Variants in CFLAR observed in about 807,000 individuals in gnomAD.
CFLAR encodes CASP8 and FADD-like apoptosis regulator.
Under a neutral mutation model 51.1 loss-of-function variants are expected in CFLAR, and 14 were observed. That is an observed-to-expected ratio of 0.27 (90% CI 0.18 to 0.43). CFLAR has a LOEUF of 0.43. Ranked by LOEUF, CFLAR falls within the 20% of genes least tolerant of loss-of-function variation. CFLAR has a pLI of 1.00. For synonymous variants in CFLAR, 210 were observed against 211.6 expected (o/e 0.99, Z 0.06); for missense variants, 390 against 566.5 (o/e 0.69, Z 3.16).
chr2:201,138,180 G>T lies in CFLAR; in HGVS notation c.523+2073G>T. 2.1e-6 allele frequency: 2 copies of T among 956,568 alleles called. No individual in the cohort carries two copies. The highest frequency in any genetic ancestry group is 3.4e-6 in the Non-Finnish European group (2 of 585,312). 59.3% of individuals were successfully genotyped at this position (956,568 alleles called of 1,614,324 possible). A position where few individuals can be genotyped will look rare whatever the true frequency, so the allele number is the denominator to read the frequency against. On this transcript the variant is annotated intron_variant, in intron 4 of 9. Transcript: ENST00000309955. The surrounding 1 kb of genome is among the most constrained non-coding windows in gnomAD (Gnocchi z 4.0). ...TTCCCCCCAATCACCTGGAGGTGGG[G>T]TTACTTTTGTTTGATGTAATGCACC...
Position 201,138,153 on chromosome 2 carries a change from C to T in CFLAR, c.523+2046C>T, listed in dbSNP as rs868581753. On this transcript the variant is annotated intron_variant, in intron 4 of 9. Coordinates refer to ENST00000309955, the MANE Select transcript of CFLAR (RefSeq NM_003879.7). This position sits in a 1 kb window ranked among gnomAD's most constrained non-coding sequence, Gnocchi z 4.0. ...TTGTTGGCCTGGGCTGCTGTCACCA[C>T]GTTCCCCCCAATCACCTGGAGGTGG... is the stretch of plus-strand genomic sequence containing the variant. The T allele has an allele frequency of 7.5e-5, 65 of 868,826 alleles. 1 individual carries two copies. Among genetic ancestry groups the T allele is most frequent in the South Asian group, 7.5e-4 (57 of 76,310 alleles). 53.8% of individuals were successfully genotyped at this position (868,826 alleles called of 1,614,324 possible).
chr2:201,142,465 G>A (rs974200490), intron 5 of CFLAR, among the ~76,000 whole-genome samples: 2 of 151,978 alleles, frequency 1.3e-5, no homozygotes, highest in African/African-American at 4.8e-5. Context: ...AACAAAATAA[G>A]GAAACTTAGC....
intron 4 of CFLAR, chr2:201,137,934 G>T (rs1286313388): frequency 3.9e-6 from 3 of 761,448 alleles, no homozygotes; most frequent in African/African-American, 1.7e-5. Flanking sequence ...TAGGGCCAGG[G>T]CCTTGACCAC....
intron 6 of CFLAR, 57 bp from the exon 7 acceptor site, chr2:201,148,945 AG>A: frequency 9.0e-7 from 1 of 1,113,174 alleles, no homozygotes; most frequent in Non-Finnish European, 1.4e-6. Context: ...CAGCCAGTGT[AG>A]GGGTGGACTT....
rs368229303 is a variant in CFLAR, at chr2:201,149,045, T to C, written c.704T>C (p.Leu235Ser). The change falls in exon 7 of 10, where the codon TTG becomes TCG. Residue 235 changes from leucine (L) to serine (S), a missense_variant. Transcript: ENST00000309955. Reference protein sequence around the residue: ...KKSIQESEAFLPQSIPEERYK... With the variant: ...KKSIQESEAFSPQSIPEERYK... ...TCCATTCAGGAATCAGAAGCTTTTTTGCCTCAGGTACAGAATAAATGATCT... is the reference window on the plus strand; with the variant it reads ...TCCATTCAGGAATCAGAAGCTTTTTCGCCTCAGGTACAGAATAAATGATCT... 2 of 1,607,752 alleles carry C rather than the reference T, an allele frequency of 1.2e-6. No individual in the cohort carries two copies. Among genetic ancestry groups the C allele is most frequent in the Non-Finnish European group, 1.7e-6 (2 of 1,174,324 alleles).
rs1390624359 is a variant in CFLAR, at chr2:201,124,454, C to T, written c.-137-5275C>T. ...GGCTCAAGAGACTTTTGTGCCTCAA[C>T]CCCTCGAGTAGCTGGGATTACAGAC... is the stretch of plus-strand genomic sequence containing the variant. On this transcript the variant is annotated intron_variant, in intron 1 of 9. Coordinates refer to ENST00000309955, the MANE Select transcript of CFLAR (RefSeq NM_003879.7). The surrounding 1 kb of genome is among the most constrained non-coding windows in gnomAD (Gnocchi z 4.7). Among the ~76,000 whole-genome samples the T allele has an allele frequency of 6.6e-6, 1 of 152,198 alleles. No individual in the cohort carries two copies. Among genetic ancestry groups the T allele is most frequent in the Non-Finnish European group, 1.5e-5 (1 of 68,038 alleles).
At chr2:201,127,085 C>G (rs2125641901) in intron 1 of CFLAR, among the ~76,000 whole-genome samples, 1 of 148,458 alleles carries the variant, frequency 6.7e-6, no homozygotes, top group African/African-American at 2.5e-5. Flanking sequence ...TTCTAGAAAA[C>G]ACACACAGGT....
intron 8 of CFLAR, among the ~76,000 whole-genome samples, chr2:201,154,764 C>T (rs1037049727): frequency 2.0e-5 from 3 of 152,222 alleles, no homozygotes; most frequent in African/African-American, 7.2e-5. Context: ...GCATGCAAGT[C>T]CCCCAAGTAT....
At chr2:201,139,833 C>T (rs1427363561) in intron 4 of CFLAR, 2 of 153,316 alleles carry the variant, frequency 1.3e-5, no homozygotes, top group African/African-American at 2.4e-5. Flanking sequence ...CGGGATCCTC[C>T]GTATGCTGAA....
intron 4 of CFLAR, chr2:201,137,773 ATTGT>A (rs2050343536): frequency 9.3e-7 from 1 of 1,072,774 alleles, no homozygotes. Flanking sequence ...TCGTTGAAGT[ATTGT>A]TTCTGGCTGC....
chr2:201,138,528 T>G lies in CFLAR; in HGVS notation c.524-1829T>G. 1 of 1,546,894 alleles carries G rather than the reference T, an allele frequency of 6.5e-7. No homozygotes were observed. The highest frequency in any genetic ancestry group is 8.8e-7 in the Non-Finnish European group (1 of 1,130,912). On this transcript the variant is annotated intron_variant, in intron 4 of 9. Transcript: ENST00000309955. The surrounding 1 kb of genome is among the most constrained non-coding windows in gnomAD (Gnocchi z 4.0). ...TAGCTTGATCCTTGGCATCATCACC[T>G]CACTGAGGAGGGTGGTGTGGTCCTT...
intron 5 of CFLAR, chr2:201,141,953 G>A (rs1939002789): frequency 6.6e-6 from 1 of 152,108 alleles, no homozygotes; most frequent in Non-Finnish European, 1.5e-5. Context: ...TTCAGTTTTT[G>A]CCAGAAAGCC....
Position 201,160,687 on chromosome 2 carries a change from G to A in CFLAR, c.1049G>A (p.Gly350Glu). Residue 350 changes from glycine to glutamate, a missense_variant, in exon 9 of 10, where the codon GGG becomes GAG. Gly to Glu is a moderately conservative substitution (Grantham distance 98, BLOSUM62 -2). This residue lies in a region of CFLAR where 287 missense variants were observed against 363.6 expected (regional missense o/e 0.79). Transcript: ENST00000309955. ...GGAGATTCATGCCCTTATCTAGCAG[G>A]GAAGCCAAAGATGTTTTTTATTCAG... ...FMGDSCPYLA[G>E]KPKMFFIQNY... is the part of the protein sequence containing the mutation. The A allele has an allele frequency of 1.9e-6, 3 of 1,614,126 alleles. No individual in the cohort carries two copies. The highest frequency in any genetic ancestry group is 2.5e-6 in the Non-Finnish European group (3 of 1,180,020).
chr2:201,138,643 A>G lies in CFLAR; in HGVS notation c.524-1714A>G. On this transcript the variant is annotated intron_variant, in intron 4 of 9. Coordinates refer to ENST00000309955, the MANE Select transcript of CFLAR (RefSeq NM_003879.7). The surrounding 1 kb of genome is among the most constrained non-coding windows in gnomAD (Gnocchi z 4.0). ...GTCTCAGTGATGGGGATGCCAGAGA[A>G]GCCATGACGCATCTTGGCCTCCAAC... The G allele has an allele frequency of 7.6e-7, 1 of 1,322,450 alleles. No homozygotes were observed. Among genetic ancestry groups the G allele is most frequent in the Admixed American group, 1.7e-5 (1 of 58,602 alleles). 81.9% of individuals were successfully genotyped at this position (1,322,450 alleles called of 1,614,324 possible).
At chr2:201,139,170 AC>A in intron 4 of CFLAR, 1 of 373,746 alleles carries the variant, frequency 2.7e-6, no homozygotes, top group African/African-American at 2.1e-5. Context: ...TGCTATGTCA[AC>A]TCAGGGTTAA....
At position 201,133,727 on chromosome 2, in the gene CFLAR, G is replaced by A. The variant is rs1207959309; in HGVS notation, c.387+593G>A. On this transcript the variant is annotated intron_variant, in intron 3 of 9. Coordinates refer to ENST00000309955, the MANE Select transcript of CFLAR (RefSeq NM_003879.7). Reference sequence around the variant, plus strand: ...GGGTGGATCACGAGGTCAGGAGATCGAGACCAACCTGGCTAACACGGTGAA... The same window carrying A: ...GGGTGGATCACGAGGTCAGGAGATCAAGACCAACCTGGCTAACACGGTGAA... Among the ~76,000 whole-genome samples the A allele has an allele frequency of 9.9e-5, 15 of 151,926 alleles. No individual in the cohort carries two copies. The East Asian group carries it at 1.6e-3, about 16-fold the overall frequency.
At chr2:201,135,435 C>T (rs1167524866) in intron 3 of CFLAR, among the ~76,000 whole-genome samples, 2 of 152,208 alleles carry the variant, frequency 1.3e-5, no homozygotes, top group Non-Finnish European at 2.9e-5. Context: ...TGTCTCTCTG[C>T]AACCAAGGAG....
At chr2:201,129,533 CTCTG>C (rs2049037267) in intron 1 of CFLAR, 192 bp from the exon 2 acceptor site, 1 of 402,462 alleles carries the variant, frequency 2.5e-6, no homozygotes, top group African/African-American at 2.1e-5. Context: ...AGGTTTTCTT[CTCTG>C]TCTTTTTGGA....
chr2:201,146,158 T>G (rs1026561152), intron 6 of CFLAR: 1 of 151,456 alleles, frequency 6.6e-6, no homozygotes, highest in African/African-American at 2.4e-5. Context: ...TTTCTTTTCT[T>G]TTTTTTGAGA....
Sources: allele counts gnomAD v4.1 joint callset (sites outside exome capture counted in the v4.1 genomes callset), GRCh38; gene constraint gnomAD v4.1.1; regional missense constraint gnomAD v4.1.1; non-coding constraint Gnocchi (gnomAD v3.1); transcripts MANE v1.5; gene names NCBI Gene and HGNC (gene_info 2026-07-23, HGNC 2026-07-21).